The following DPY19L1 variants were observed in gnomAD, a reference collection of about 807,000 sequenced individuals.
DPY19L1 encodes the protein protein C-mannosyl-transferase DPY19L1.
DPY19L1 carries 35 observed loss-of-function variants against 96.9 expected under a neutral mutation model. The ratio of observed to expected loss-of-function variants is 0.36; its 90% CI spans 0.28 to 0.48. DPY19L1 has a LOEUF of 0.48. Ranked by LOEUF, DPY19L1 falls within the 20% of genes least tolerant of loss-of-function variation. The probability of loss-of-function intolerance (pLI) is 0.99; values close to 1 mark genes in which losing one functional copy is unlikely to be tolerated. For missense variants in DPY19L1, 521 were observed against 777.9 expected, an observed-to-expected ratio of 0.67 and a Z score of 3.93; for synonymous variants, 205 against 252.6, an observed-to-expected ratio of 0.81 and a Z score of 1.79.
rs1786444176 is a variant in DPY19L1, at chr7:35,037,184, GGCCGCCCCCGGC to G, written c.199_210del (p.Ala67_Gly70del). On this transcript the variant is annotated inframe_deletion, in exon 1 of 22. Transcript: ENST00000638088. ...AGCCGGGCGGCCAGGCGCCCCCCAA[GGCCGCCCCCGGC>G]GGGCGGCGCGCCGGGCTCGGCGCGG... The G allele has an allele frequency of 6.9e-6, 1 of 144,650 alleles. No individual in the cohort carries two copies. Among genetic ancestry groups the G allele is most frequent in the South Asian group, 2.1e-4 (1 of 4,782 alleles). The allele number at this position is 144,650 out of a possible 1,614,324, so 9.0% of individuals were successfully genotyped here. A position where few individuals can be genotyped will look rare whatever the true frequency, so the allele number is the denominator to read the frequency against.
intron 4 of DPY19L1, among the ~76,000 whole-genome samples, chr7:35,012,341 T>G (rs1785732630): frequency 6.6e-6 from 1 of 152,106 alleles, no homozygotes; most frequent in Non-Finnish European, 1.5e-5. Context: ...TCATCCCCCT[T>G]CAGGTGTTGG....
chr7:35,017,578 A>G (rs329238), intron 3 of DPY19L1, among the ~76,000 whole-genome samples: 69,851 of 148,386 alleles, frequency 0.47, 16,828 homozygotes, highest in Admixed American at 0.61. Context: ...AGGCTGAGGC[A>G]GGAGAATGGC....
chr7:34,938,958 C>T (rs758988325), intron 20 of DPY19L1: 9 of 204,842 alleles, frequency 4.4e-5, no homozygotes, highest in Non-Finnish European at 3.9e-5. Flanking sequence ...CTAAGCTAAA[C>T]TCCCCAGGGA....
chr7:35,004,358 T>C (rs559409333), intron 6 of DPY19L1, among the ~76,000 whole-genome samples: 24 of 152,292 alleles, frequency 1.6e-4, no homozygotes, highest in African/African-American at 5.1e-4. Context: ...TTGTGCCTGA[T>C]ACTCAGTTTT....
chr7:35,032,697 C>T (rs1786289298), intron 1 of DPY19L1, among the ~76,000 whole-genome samples: 1 of 152,020 alleles, frequency 6.6e-6, no homozygotes, highest in Non-Finnish European at 1.5e-5. Context: ...AATTCTTGAC[C>T]TTTTCCTTCA....
intron 7 of DPY19L1, among the ~76,000 whole-genome samples, chr7:34,979,145 G>A (rs1182885190): frequency 6.6e-6 from 1 of 152,074 alleles, no homozygotes; most frequent in Non-Finnish European, 1.5e-5. Context: ...AAACCTTTGT[G>A]AAACTTTGTT....
Position 34,930,839 on chromosome 7 carries a change from G to T in DPY19L1, c.*734C>A, listed in dbSNP as rs2128778775. On this transcript the variant is annotated 3_prime_UTR_variant, in exon 22 of 22. Coordinates refer to ENST00000638088, the MANE Select transcript of DPY19L1 (RefSeq NM_001366673.1). ...ATAAGTACTTGATAAGCAACTAAAT[G>T]AGTAAACAGTACTTATTTGACAGAA... 6.6e-6 allele frequency: 1 copy of T among 152,104 alleles called. No homozygotes were observed. The highest frequency in any genetic ancestry group is 2.4e-5 in the African/African-American group (1 of 41,482). The allele number at this position is 152,104 out of a possible 1,614,324, so 9.4% of individuals were successfully genotyped here.
At chr7:35,013,512 T>C (rs1233291757) in intron 4 of DPY19L1, 56 bp downstream of exon 4, 31 of 1,442,676 alleles carry the variant, frequency 2.1e-5, no homozygotes, top group Non-Finnish European at 3.0e-5. Flanking sequence ...AATCAGCGTT[T>C]AATACAAAAA....
intron 3 of DPY19L1, 91 bp from the exon 4 acceptor site, chr7:35,013,796 C>T (rs1443440479): frequency 2.5e-5 from 25 of 985,416 alleles, no homozygotes; most frequent in Non-Finnish European, 3.7e-5. Flanking sequence ...AAAAACAAAG[C>T]AATTAAGTAA....
chr7:34,939,375 T>C lies in DPY19L1; in HGVS notation c.1865A>G (p.Asp622Gly), dbSNP rs370953310. Residue 622 changes from aspartate (D) to glycine (G), a missense_variant and splice_region_variant, in exon 20 of 22, where the codon GAT becomes GGT. Asp to Gly is a moderately conservative substitution (Grantham distance 94). Transcript: ENST00000638088. ...GGGCATGGCACCCGCAAACACTGCA[T>C]CTGGAAGGCAAGAGGAATGTCTCAG... ...IEWIKYSTKP[D>G]AVFAGAMPTM... 14 of 1,613,798 alleles carry C rather than the reference T, an allele frequency of 8.7e-6. No homozygotes were observed. The highest frequency in any genetic ancestry group is 1.1e-5 in the Non-Finnish European group (13 of 1,179,814).
At chr7:35,023,833 CTTTTTT>C (rs755619806) in intron 1 of DPY19L1, among the ~76,000 whole-genome samples, 12 of 111,810 alleles carry the variant, frequency 1.1e-4, no homozygotes, top group African/African-American at 1.7e-4. Context: ...CTTTTCTTTT[CTTTTTT>C]TTTTTTTTTT....
chr7:35,037,592 C>T, upstream of DPY19L1: 1 of 270,530 alleles, frequency 3.7e-6, no homozygotes. Flanking sequence ...GGCAGTACCG[C>T]CGGGAGGCGG....
chr7:34,984,849 C>T (rs944115579), intron 7 of DPY19L1, among the ~76,000 whole-genome samples: 1 of 152,128 alleles, frequency 6.6e-6, no homozygotes, highest in Non-Finnish European at 1.5e-5. Flanking sequence ...AACTGTCTGA[C>T]CTTATCCGCT....
intron 4 of DPY19L1, among the ~76,000 whole-genome samples, chr7:35,013,035 G>C (rs1231539249): frequency 6.6e-6 from 1 of 152,144 alleles, no homozygotes; most frequent in Non-Finnish European, 1.5e-5. Flanking sequence ...TAAATAAGTA[G>C]TTTCAAAAAC....
intron 7 of DPY19L1, among the ~76,000 whole-genome samples, chr7:34,989,194 A>C (rs1376933243): frequency 4.6e-5 from 7 of 152,212 alleles, no homozygotes; most frequent in Non-Finnish European, 8.8e-5. Flanking sequence ...TAATACATTA[A>C]AATAAGAATA....
intron 6 of DPY19L1, among the ~76,000 whole-genome samples, chr7:35,007,041 C>G (rs960041840): frequency 9.2e-5 from 14 of 152,054 alleles, no homozygotes; most frequent in African/African-American, 3.4e-4. Flanking sequence ...CAGCTTTATC[C>G]CTTTCATAAA....
intron 6 of DPY19L1, among the ~76,000 whole-genome samples, chr7:34,992,126 G>C (rs1785182643): frequency 6.6e-6 from 1 of 152,124 alleles, no homozygotes; most frequent in African/African-American, 2.4e-5. Flanking sequence ...GTATGCAGGA[G>C]GTCGTTTCTC....
At chr7:35,019,596 G>A (rs1424990807) in intron 1 of DPY19L1, among the ~76,000 whole-genome samples, 6 of 151,624 alleles carry the variant, frequency 4.0e-5, no homozygotes, top group Non-Finnish European at 8.8e-5. Flanking sequence ...GAAGAAGAGA[G>A]GAGGAAGGAA....
intron 1 of DPY19L1, among the ~76,000 whole-genome samples, chr7:35,034,117 G>C (rs574196769): frequency 6.6e-6 from 1 of 152,070 alleles, no homozygotes; most frequent in Non-Finnish European, 1.5e-5. Context: ...TAATGCAAAG[G>C]GGGGAAAAGG....
Sources: allele counts gnomAD v4.1 joint callset (sites outside exome capture counted in the v4.1 genomes callset), GRCh38; gene constraint gnomAD v4.1.1; transcripts MANE v1.5; gene names NCBI Gene and HGNC (gene_info 2026-07-23, HGNC 2026-07-21).